The following SAMD3 variants were observed in gnomAD, a reference collection of about 807,000 sequenced individuals.
SAMD3 encodes the protein sterile alpha motif domain containing 3.
SAMD3 carries 63 observed loss-of-function variants against 58.5 expected under a neutral mutation model. That is an observed-to-expected ratio of 1.08 (90% CI 0.88 to 1.33). The LOEUF (loss-of-function observed/expected upper bound fraction) is 1.33, where lower values mean the gene tolerates loss of function less well. Ranked by LOEUF, SAMD3 falls within the 40% of genes most tolerant of loss-of-function variation. SAMD3 has a pLI of 0.00. For synonymous variants in SAMD3, 220 were observed against 210.3 expected (o/e 1.05, Z -0.40); for missense variants, 604 against 608.4 (o/e 0.99, Z 0.08).
At chr6:130,170,868 A>G (rs1218940056) in intron 8 of SAMD3, among the ~76,000 whole-genome samples, 1 of 152,202 alleles carries the variant, frequency 6.6e-6, no homozygotes, top group East Asian at 1.9e-4. Flanking sequence ...TTCTAAATAT[A>G]CAATCATGTC....
upstream of SAMD3, among the ~76,000 whole-genome samples, chr6:130,226,977 G>C (rs1457100293): frequency 6.6e-6 from 1 of 152,116 alleles, no homozygotes; most frequent in Non-Finnish European, 1.5e-5. Flanking sequence ...ATAATGTAAA[G>C]TTTACCGTCT....
intron 2 of SAMD3, among the ~76,000 whole-genome samples, chr6:130,234,535 A>T (rs1796630429): frequency 1.3e-5 from 2 of 152,188 alleles, no homozygotes; most frequent in Admixed American, 1.3e-4. Flanking sequence ...TTCATAAAAC[A>T]ATTATCATAA....
intron 2 of SAMD3, among the ~76,000 whole-genome samples, chr6:130,247,316 A>T (rs1773581404): frequency 1.3e-5 from 2 of 152,106 alleles, no homozygotes; most frequent in Admixed American, 6.5e-5. Context: ...TTAAAAATAC[A>T]AAACTTAGCG....
At chr6:130,294,223 A>G (rs1020042702) in intron 2 of SAMD3, among the ~76,000 whole-genome samples, 3 of 152,198 alleles carry the variant, frequency 2.0e-5, no homozygotes, top group African/African-American at 7.2e-5. Context: ...TTCAATTTGG[A>G]TGAGCTCAAG....
At chr6:130,166,696 A>C (rs951295416) in intron 8 of SAMD3, among the ~76,000 whole-genome samples, 1 of 152,226 alleles carries the variant, frequency 6.6e-6, no homozygotes, top group African/African-American at 2.4e-5. Flanking sequence ...AAAGATGCAA[A>C]CCCATTAGAA....
chr6:130,155,269 G>A (rs527971667), intron 8 of SAMD3, among the ~76,000 whole-genome samples: 5 of 152,160 alleles, frequency 3.3e-5, no homozygotes, highest in South Asian at 2.1e-4. Context: ...TAATTCCTAC[G>A]TTATCCTTTT....
chr6:130,166,576 A>G (rs1790755281), intron 8 of SAMD3, among the ~76,000 whole-genome samples: 1 of 152,226 alleles, frequency 6.6e-6, no homozygotes, highest in Admixed American at 6.5e-5. Flanking sequence ...CAGATGACTT[A>G]AAGATTTAAA....
chr6:130,205,663 T>C (rs1035354375), intron 5 of SAMD3, among the ~76,000 whole-genome samples: 17 of 152,094 alleles, frequency 1.1e-4, no homozygotes, highest in African/African-American at 3.9e-4. Flanking sequence ...AGCTAAATGT[T>C]GGGTTTACAA....
At chr6:130,215,625 C>T (rs1795961080) in intron 2 of SAMD3, 3 of 1,386,386 alleles carry the variant, frequency 2.2e-6, no homozygotes, top group Non-Finnish European at 1.9e-6. Flanking sequence ...CCATTAACAC[C>T]CAGGTTTCTT....
At chr6:130,146,300 T>C in intron 9 of SAMD3, 119 bp from the exon 10 acceptor site, 1 of 506,788 alleles carries the variant, frequency 2.0e-6, no homozygotes, top group Non-Finnish European at 3.2e-6. Flanking sequence ...AAGTACTCAA[T>C]ATTTTAGAAG....
chr6:130,184,366 T>G (rs1389668436), intron 6 of SAMD3, 72 bp downstream of exon 6: 1 of 1,447,002 alleles, frequency 6.9e-7, no homozygotes, highest in African/African-American at 1.4e-5. Flanking sequence ...GAGAGTTGAT[T>G]CCACAGGAAT....
intron 2 of SAMD3, among the ~76,000 whole-genome samples, chr6:130,285,352 A>C (rs144476101): frequency 6.6e-6 from 1 of 152,342 alleles, no homozygotes; most frequent in East Asian, 1.9e-4. Context: ...CAACAATTAC[A>C]GATCAAATTG....
chr6:130,248,322 C>G (rs985320663), intron 2 of SAMD3, among the ~76,000 whole-genome samples: 6 of 152,066 alleles, frequency 3.9e-5, no homozygotes, highest in Admixed American at 3.9e-4. Context: ...ATGGCCCCAA[C>G]AAATAACCAC....
rs11968968 is a variant in SAMD3, at chr6:130,291,468, G to A, written c.-188+21510C>T. Among the ~76,000 whole-genome samples the A allele has an allele frequency of 5.1e-3, 778 of 152,282 alleles. 10 individuals carry two copies. The highest frequency in any genetic ancestry group is 0.016 in the African/African-American group (648 of 41,564). On this transcript the variant is annotated intron_variant, in intron 2 of 13. Coordinates refer to the SAMD3 transcript ENST00000368134. ...ACTCAGGCTCATGGTTGACTCTGTA[G>A]TTTGATAGAGAATAACAAGTTAGCC... is the stretch of plus-strand genomic sequence containing the variant.
chr6:130,197,166 C>A (rs1358220271), intron 5 of SAMD3, among the ~76,000 whole-genome samples: 1 of 152,178 alleles, frequency 6.6e-6, no homozygotes, highest in Non-Finnish European at 1.5e-5. Flanking sequence ...AAGGTACAGC[C>A]CATTTGAGCT....
intron 4 of SAMD3, 73 bp from the exon 5 acceptor site, chr6:130,209,681 G>T: frequency 2.2e-6 from 2 of 891,982 alleles, no homozygotes; most frequent in Non-Finnish European, 3.7e-6. Flanking sequence ...AGCTCTGAAG[G>T]TAGCACCAGC....
At position 130,144,747 on chromosome 6, in the gene SAMD3, C is replaced by A; in HGVS notation, c.1336G>T (p.Glu446Ter). ...TCCCTTTCTAAATATAAAGAAAATT[C>A]GCAGACCTCCATGTTGAAAGGGTTT... ...VKNPFNMEVC[E>*]FSLYLERERL... The change falls in exon 12 of 12, where the codon GAA becomes TAA. Residue 446 changes from glutamate to a stop codon, truncating the protein, a stop_gained. Transcript: ENST00000439090. LOFTEE classifies it high-confidence loss of function. The A allele has an allele frequency of 1.2e-6, 2 of 1,613,994 alleles. No individual in the cohort carries two copies. The highest frequency in any genetic ancestry group is 4.5e-5 in the East Asian group (2 of 44,832).
At chr6:130,253,810 G>GTGA (rs1288946939) in intron 2 of SAMD3, among the ~76,000 whole-genome samples, 1 of 151,806 alleles carries the variant, frequency 6.6e-6, no homozygotes, top group Non-Finnish European at 1.5e-5. Flanking sequence ...CCTCTTTTAT[G>GTGA]TGATTTTTCA....
At chr6:130,157,982 A>T (rs1789944927) in intron 8 of SAMD3, among the ~76,000 whole-genome samples, 1 of 152,110 alleles carries the variant, frequency 6.6e-6, no homozygotes, top group African/African-American at 2.4e-5. Context: ...AAACCTTATA[A>T]GATACCTAGG....
Sources: allele counts gnomAD v4.1 joint callset (sites outside exome capture counted in the v4.1 genomes callset), GRCh38; gene constraint gnomAD v4.1.1; transcripts MANE v1.5; gene names NCBI Gene and HGNC (gene_info 2026-07-23, HGNC 2026-07-21).